INPP4B: variants seen among roughly 807,000 people sequenced by gnomAD.
INPP4B encodes the protein inositol polyphosphate 4-phosphatase type II.
A neutral mutation model predicts 122.5 loss-of-function variants in INPP4B; 55 were observed. That is an observed-to-expected ratio of 0.45 (90% CI 0.36 to 0.56). The LOEUF is 0.56. Ranked by LOEUF, INPP4B falls within the 20% of genes least tolerant of loss-of-function variation. The pLI is 0.00. For missense variants in INPP4B, 1,000 were observed against 1,097.7 expected (o/e 0.91, Z 1.26); for synonymous variants, 403 against 388.7 (o/e 1.04, Z -0.43).
intron 15 of INPP4B, among the ~76,000 whole-genome samples, chr4:142,183,274 T>C (rs1180660107): frequency 1.3e-5 from 2 of 152,208 alleles, no homozygotes; most frequent in Non-Finnish European, 2.9e-5. Flanking sequence ...GTGCTGACAC[T>C]ATAAGCCAAT....
At chr4:142,552,955 A>G (rs546359932) in intron 2 of INPP4B, among the ~76,000 whole-genome samples, 1 of 152,302 alleles carries the variant, frequency 6.6e-6, no homozygotes, top group Admixed American at 6.5e-5. Context: ...TTTGTTTTGG[A>G]GATCAATAAA....
intron 2 of INPP4B, among the ~76,000 whole-genome samples, chr4:142,701,641 A>T (rs893869076): frequency 1.3e-5 from 2 of 152,132 alleles, no homozygotes; most frequent in African/African-American, 4.8e-5. Flanking sequence ...AGTTTGAAAG[A>T]CCATTTCTTC....
In INPP4B at chr4:142,539,455, C is replaced by T. The variant is rs531328063; in HGVS notation, c.-190-76729G>A. On this transcript the variant is annotated intron_variant, in intron 2 of 25. Transcript: ENST00000262992. ...AACTGCATTGACTTATTGAACTGACCACATGGTTCAATCTAAATATTTCAT... is the reference window on the plus strand; with the variant it reads ...AACTGCATTGACTTATTGAACTGACTACATGGTTCAATCTAAATATTTCAT... 4.6e-5 allele frequency among the ~76,000 whole-genome samples: 7 copies of T among 152,104 alleles called. No individual in the cohort carries two copies. In the South Asian group the frequency reaches 1.5e-3, roughly 32 times the overall value.
intron 11 of INPP4B, among the ~76,000 whole-genome samples, chr4:142,238,235 C>T (rs2149976581): frequency 6.6e-6 from 1 of 151,292 alleles, no homozygotes; most frequent in East Asian, 1.9e-4. Context: ...TTATTTTTTT[C>T]AGTAGCTTCT....
chr4:142,735,228 G>A (rs1039052305), intron 1 of INPP4B, among the ~76,000 whole-genome samples: 2 of 152,120 alleles, frequency 1.3e-5, no homozygotes, highest in Non-Finnish European at 2.9e-5. Flanking sequence ...ACTTAACAGT[G>A]TATATATTTG....
chr4:142,377,132 T>G (rs200250456), intron 7 of INPP4B, among the ~76,000 whole-genome samples: 3 of 115,790 alleles, frequency 2.6e-5, no homozygotes, highest in African/African-American at 9.2e-5. Flanking sequence ...TGGTTATTTT[T>G]TTCTCACAGG....
At chr4:142,413,892 C>A (rs1805122308) in intron 5 of INPP4B, among the ~76,000 whole-genome samples, 1 of 151,966 alleles carries the variant, frequency 6.6e-6, no homozygotes, top group African/African-American at 2.4e-5. Context: ...AGCTTTGCAA[C>A]AAGAATTTTA....
chr4:142,192,107 T>A (rs1224861118), intron 15 of INPP4B, among the ~76,000 whole-genome samples: 1 of 151,846 alleles, frequency 6.6e-6, no homozygotes, highest in Admixed American at 6.6e-5. Flanking sequence ...AAAGAATGAC[T>A]ATTTTTCCCT....
intron 2 of INPP4B, among the ~76,000 whole-genome samples, chr4:142,609,265 G>T (rs1351672305): frequency 6.6e-6 from 1 of 151,560 alleles, no homozygotes. Context: ...AAGACCAAAA[G>T]GCTGCATATG....
chr4:142,543,555 G>A (rs1303051963), intron 2 of INPP4B, among the ~76,000 whole-genome samples: 1 of 152,014 alleles, frequency 6.6e-6, no homozygotes. Context: ...TAATATAAGT[G>A]GTTTTTTCTT....
intron 2 of INPP4B, among the ~76,000 whole-genome samples, chr4:142,685,843 TTAAA>T (rs1180418678): frequency 6.6e-5 from 10 of 152,156 alleles, no homozygotes; most frequent in African/African-American, 1.9e-4. Flanking sequence ...GACAACTGAC[TTAAA>T]TAGGTAAGTC....
chr4:142,319,635 T>C (rs1769232786), intron 7 of INPP4B, among the ~76,000 whole-genome samples: 2 of 152,158 alleles, frequency 1.3e-5, no homozygotes, highest in South Asian at 2.1e-4. Flanking sequence ...TGATGTTTGC[T>C]GGATTTTGCA....
At chr4:142,382,267 G>A (rs2148867154) in intron 7 of INPP4B, among the ~76,000 whole-genome samples, 3 of 151,940 alleles carry the variant, frequency 2.0e-5, no homozygotes, top group Admixed American at 2.0e-4. Flanking sequence ...CCAATACTTT[G>A]GGAGGCCAAG....
chr4:142,143,146 G>T (rs757693950), intron 18 of INPP4B, among the ~76,000 whole-genome samples: 1 of 151,968 alleles, frequency 6.6e-6, no homozygotes, highest in Non-Finnish European at 1.5e-5. Flanking sequence ...CCACTCCTTG[G>T]TTTTTTACTA....
intron 7 of INPP4B, among the ~76,000 whole-genome samples, chr4:142,324,434 T>G (rs1433340320): frequency 6.6e-6 from 1 of 152,076 alleles, no homozygotes; most frequent in Admixed American, 6.6e-5. Flanking sequence ...CCACTATACT[T>G]CTTTAACATT....
intron 7 of INPP4B, among the ~76,000 whole-genome samples, chr4:142,391,617 A>C (rs745555048): frequency 2.0e-5 from 3 of 152,072 alleles, no homozygotes; most frequent in Non-Finnish European, 2.9e-5. Flanking sequence ...AACAAAAAAA[A>C]CCATGTACTC....
intron 11 of INPP4B, among the ~76,000 whole-genome samples, chr4:142,250,414 G>A (rs1006097530): frequency 6.6e-6 from 1 of 152,116 alleles, no homozygotes; most frequent in Non-Finnish European, 1.5e-5. Flanking sequence ...AGACTGAAAA[G>A]CTCCATTTAA....
At chr4:142,619,811 T>G (rs970920983) in intron 2 of INPP4B, among the ~76,000 whole-genome samples, 2 of 152,104 alleles carry the variant, frequency 1.3e-5, no homozygotes, top group Non-Finnish European at 2.9e-5. Context: ...AATATGAGAT[T>G]AGAGATTATA....
At chr4:142,262,853 T>A (rs1392458009) in intron 10 of INPP4B, among the ~76,000 whole-genome samples, 1 of 152,212 alleles carries the variant, frequency 6.6e-6, no homozygotes, top group African/African-American at 2.4e-5. Flanking sequence ...CCACCTTTCC[T>A]CTGAGCACTG....
Sources: allele counts gnomAD v4.1 joint callset (sites outside exome capture counted in the v4.1 genomes callset), GRCh38; gene constraint gnomAD v4.1.1; transcripts MANE v1.5; gene names NCBI Gene and HGNC (gene_info 2026-07-23, HGNC 2026-07-21).